The following SLIT2 variants were observed in gnomAD, a reference collection of about 807,000 sequenced individuals.
SLIT2 encodes the protein slit homolog 2 protein.
In SLIT2, 41 loss-of-function variants were observed where a neutral mutation model predicts 185.7. That is an observed-to-expected ratio of 0.22 (90% CI 0.17 to 0.29). The LOEUF is 0.29. SLIT2 is among the 10% of genes least tolerant of loss of function. The probability of loss-of-function intolerance (pLI) is 1.00; values close to 1 mark genes in which losing one functional copy is unlikely to be tolerated. For missense variants in SLIT2, 1,571 were observed against 1,909.0 expected (o/e 0.82, Z 3.30); for synonymous variants, 693 against 680.2 (o/e 1.02, Z -0.29).
intron 4 of SLIT2, among the ~76,000 whole-genome samples, chr4:20,381,378 C>G (rs1429165700): frequency 6.6e-6 from 1 of 151,976 alleles, no homozygotes; most frequent in East Asian, 1.9e-4. Context: ...GATTTCTTGT[C>G]AGAAACTACA....
chr4:20,404,863 C>T (rs1332835890), intron 4 of SLIT2, among the ~76,000 whole-genome samples: 4 of 151,866 alleles, frequency 2.6e-5, no homozygotes, highest in African/African-American at 9.7e-5. Flanking sequence ...CTCACAAGAT[C>T]GTATGAGTCC....
rs545427669 is a variant in SLIT2, at chr4:20,302,365, T to A, written c.395+33484T>A. Among the ~76,000 whole-genome samples the A allele has an allele frequency of 5.3e-5, 8 of 152,342 alleles. No homozygotes were observed. In the South Asian group the frequency reaches 8.3e-4, roughly 16 times the overall value. On this transcript the variant is annotated intron_variant, in intron 4 of 36. Coordinates refer to ENST00000504154, the MANE Select transcript of SLIT2 (RefSeq NM_004787.4). The stretch of plus-strand genomic sequence containing the variant: ...TGGCTATTCAAATTAAAAGATGTGA[T>A]GGAAACTTCATCTTGTGTCATCATT...
chr4:20,289,571 C>T (rs772538500), intron 4 of SLIT2, among the ~76,000 whole-genome samples: 2 of 152,160 alleles, frequency 1.3e-5, no homozygotes, highest in Non-Finnish European at 2.9e-5. Context: ...ATTATATGCT[C>T]ATACAATCTC....
intron 4 of SLIT2, among the ~76,000 whole-genome samples, chr4:20,384,497 A>G (rs530375218): frequency 1.4e-4 from 21 of 152,270 alleles, no homozygotes; most frequent in African/African-American, 5.1e-4. Context: ...CTCATAAATT[A>G]TACCGCAGGA....
At chr4:20,257,428 G>A (rs1711963240) in intron 2 of SLIT2, among the ~76,000 whole-genome samples, 1 of 152,028 alleles carries the variant, frequency 6.6e-6, no homozygotes, top group African/African-American at 2.4e-5. Context: ...AGTGTTCTAA[G>A]TTTTAAGAGA....
chr4:20,347,755 C>A (rs554053061), intron 4 of SLIT2, among the ~76,000 whole-genome samples: 54 of 152,188 alleles, frequency 3.5e-4, no homozygotes, highest in African/African-American at 1.3e-3. Flanking sequence ...GATATGATAC[C>A]CTTTCAAAAC....
intron 5 of SLIT2, among the ~76,000 whole-genome samples, chr4:20,479,886 A>G (rs1716515315): frequency 6.6e-6 from 1 of 152,180 alleles, no homozygotes; most frequent in Non-Finnish European, 1.5e-5. Context: ...GCTTTTTACC[A>G]TAGATACATG....
chr4:20,366,920 C>T (rs188665746), intron 4 of SLIT2, among the ~76,000 whole-genome samples: 210 of 152,112 alleles, frequency 1.4e-3, no homozygotes, highest in Middle Eastern at 3.4e-3. Flanking sequence ...ACCTCAGCCT[C>T]CCAAATAGCT....
At chr4:20,508,549 A>G (rs1719414224) in intron 9 of SLIT2, among the ~76,000 whole-genome samples, 1 of 152,106 alleles carries the variant, frequency 6.6e-6, no homozygotes, top group Admixed American at 6.6e-5. Context: ...AAGACAATAC[A>G]CCCAATTCTA....
chr4:20,511,596 T>TTTTTTTTTTTTTTTTTTTTTTTTTA (rs1220710184), intron 11 of SLIT2, among the ~76,000 whole-genome samples: 1 of 138,574 alleles, frequency 7.2e-6, no homozygotes, highest in Non-Finnish European at 1.6e-5. Flanking sequence ...AATTTTTTTT[T>TTTTTTTTTTTTTTTTTTTTTTTTTA]TTTTTTTATT....
chr4:20,469,293 C>G (rs1195836402), intron 5 of SLIT2, among the ~76,000 whole-genome samples: 1 of 152,116 alleles, frequency 6.6e-6, no homozygotes, highest in African/African-American at 2.4e-5. Context: ...TATTTGCAGT[C>G]TTACAGTAGT....
At chr4:20,594,108 C>CAT (rs575708540) in intron 30 of SLIT2, among the ~76,000 whole-genome samples, 61 of 146,896 alleles carry the variant, frequency 4.2e-4, no homozygotes, top group African/African-American at 1.3e-3. Context: ...CATATATACA[C>CAT]ATATATATAC....
At chr4:20,605,120 C>T (rs886896034) in intron 33 of SLIT2, among the ~76,000 whole-genome samples, 8 of 152,178 alleles carry the variant, frequency 5.3e-5, no homozygotes, top group Non-Finnish European at 1.0e-4. Flanking sequence ...AGGCGTGAGC[C>T]ACCGCACCCA....
At chr4:20,256,560 A>G (rs1711864348) in intron 1 of SLIT2, 112 bp from the exon 2 acceptor site, 3 of 588,160 alleles carry the variant, frequency 5.1e-6, no homozygotes, top group African/African-American at 3.8e-5. Flanking sequence ...CATACTTTGT[A>G]TACTACTTTA....
rs1361631067 is a variant in SLIT2, at chr4:20,484,133, A to G, written c.540-2067A>G. Among the ~76,000 whole-genome samples, 3 of 152,140 alleles carry G rather than the reference A, an allele frequency of 2.0e-5. No individual in the cohort carries two copies. Among genetic ancestry groups the G allele is most frequent in the East Asian group, 1.9e-4 (1 of 5,194 alleles). ...CCTTTGCATGGAGATATAAGAAACT[A>G]TAGTTCAAAATTAATGCATGTCTGC... is the stretch of plus-strand genomic sequence containing the variant. On this transcript the variant is annotated intron_variant, in intron 6 of 36. Coordinates refer to ENST00000504154, the MANE Select transcript of SLIT2 (RefSeq NM_004787.4). This position sits in a 1 kb window ranked among gnomAD's most constrained non-coding sequence, Gnocchi z 4.3.
intron 3 of SLIT2, among the ~76,000 whole-genome samples, chr4:20,261,376 C>A (rs1712454139): frequency 6.6e-6 from 1 of 151,754 alleles, no homozygotes; most frequent in Non-Finnish European, 1.5e-5. Context: ...AGGAAGATAC[C>A]TGTGTATATC....
intron 4 of SLIT2, among the ~76,000 whole-genome samples, chr4:20,382,199 A>C (rs1724583946): frequency 6.6e-6 from 1 of 152,164 alleles, no homozygotes; most frequent in South Asian, 2.1e-4. Context: ...TAGAAATAGA[A>C]GGGAACTTCT....
At chr4:20,444,898 C>G (rs1327763731) in intron 4 of SLIT2, among the ~76,000 whole-genome samples, 1 of 152,182 alleles carries the variant, frequency 6.6e-6, no homozygotes, top group Non-Finnish European at 1.5e-5. Flanking sequence ...ATGCCTTTTT[C>G]TCTGTTACAT....
At chr4:20,468,599 A>G (rs879876483) in intron 5 of SLIT2, among the ~76,000 whole-genome samples, 6 of 152,092 alleles carry the variant, frequency 3.9e-5, no homozygotes, top group Admixed American at 3.9e-4. Flanking sequence ...GACAATCATA[A>G]TATCAATATC....
Sources: allele counts gnomAD v4.1 joint callset (sites outside exome capture counted in the v4.1 genomes callset), GRCh38; gene constraint gnomAD v4.1.1; non-coding constraint Gnocchi (gnomAD v3.1); transcripts MANE v1.5; gene names NCBI Gene and HGNC (gene_info 2026-07-23, HGNC 2026-07-21).